Variants in CRTAC1 observed in about 807,000 individuals in gnomAD.
CRTAC1 encodes cartilage acidic protein 1.
A neutral mutation model predicts 67.8 loss-of-function variants in CRTAC1; 37 were observed. The ratio of observed to expected loss-of-function variants is 0.55; its 90% CI spans 0.42 to 0.72. The LOEUF (loss-of-function observed/expected upper bound fraction) is 0.72. Ranked by LOEUF, CRTAC1 falls within the 30% of genes least tolerant of loss-of-function variation. The probability of loss-of-function intolerance (pLI) is 0.00; values close to 1 mark genes in which losing one functional copy is unlikely to be tolerated. For synonymous variants in CRTAC1, 348 were observed against 371.0 expected, an observed-to-expected ratio of 0.94 and a Z score of 0.71; for missense variants, 780 against 931.6, an observed-to-expected ratio of 0.84 and a Z score of 2.12.
rs778654577 is a variant in CRTAC1, at chr10:97,880,194, C to T, written c.1819+55G>A. On this transcript the variant is annotated intron_variant, in intron 14 of 14. Coordinates refer to ENST00000370597, the MANE Select transcript of CRTAC1 (RefSeq NM_018058.7). ...TTGATCTGGGGCCTACCCAGAGCTC[C>T]CCAGTGGAAAGCAACATCCTTTTGC... The T allele has an allele frequency of 6.7e-4, 1,075 of 1,595,674 alleles. 3 individuals carry two copies. Among genetic ancestry groups the T allele is most frequent in the Middle Eastern group, 8.6e-4 (5 of 5,788 alleles).
chr10:97,917,918 C>T (rs1189597317), intron 4 of CRTAC1, among the ~76,000 whole-genome samples: 1 of 152,124 alleles, frequency 6.6e-6, no homozygotes, highest in Non-Finnish European at 1.5e-5. Context: ...AAGAACACAC[C>T]CCTCCCTCTC....
chr10:97,954,507 G>T (rs2051409059), intron 2 of CRTAC1, among the ~76,000 whole-genome samples: 1 of 152,200 alleles, frequency 6.6e-6, no homozygotes, highest in African/African-American at 2.4e-5. Flanking sequence ...AAATAGCAGA[G>T]AGGACTCCTG....
intron 12 of CRTAC1, 102 bp downstream of exon 12, chr10:97,884,104 C>T: frequency 2.9e-6 from 4 of 1,385,418 alleles, no homozygotes; most frequent in Non-Finnish European, 2.9e-6. Flanking sequence ...TTCCATCACT[C>T]TAGAGGCTGA....
At chr10:97,931,357 C>A (rs1170187721) in intron 3 of CRTAC1, among the ~76,000 whole-genome samples, 1 of 152,134 alleles carries the variant, frequency 6.6e-6, no homozygotes, top group Non-Finnish European at 1.5e-5. Flanking sequence ...AATATGCCTG[C>A]AATTGTGGGA....
At chr10:98,005,678 C>A (rs965549240) in intron 2 of CRTAC1, among the ~76,000 whole-genome samples, 3 of 150,844 alleles carry the variant, frequency 2.0e-5, no homozygotes, top group African/African-American at 7.3e-5. Context: ...ATATATATAT[C>A]TATATACTAC....
chr10:97,937,071 A>G (rs999960304), intron 2 of CRTAC1, among the ~76,000 whole-genome samples: 4 of 152,238 alleles, frequency 2.6e-5, no homozygotes, highest in African/African-American at 7.2e-5. Context: ...GAACACGTCT[A>G]AAGTTATTAG....
intron 1 of CRTAC1, among the ~76,000 whole-genome samples, chr10:98,023,160 C>A: frequency 6.6e-6 from 1 of 152,210 alleles, no homozygotes; most frequent in African/African-American, 2.4e-5. Flanking sequence ...GGGAAAACAG[C>A]AAAGGGAGGT....
chr10:98,005,098 A>ATTTTTTTTTTTTTTTTTTTTTTTT (rs1347220699), intron 2 of CRTAC1, among the ~76,000 whole-genome samples: 2 of 38,212 alleles, frequency 5.2e-5, no homozygotes, highest in Non-Finnish European at 9.5e-5. Flanking sequence ...ATATATATAT[A>ATTTTTTTTTTTTTTTTTTTTTTTT]TATTTTTTTT....
intron 2 of CRTAC1, among the ~76,000 whole-genome samples, chr10:97,993,165 T>C (rs965422793): frequency 2.0e-5 from 3 of 152,136 alleles, no homozygotes; most frequent in African/African-American, 7.2e-5. Flanking sequence ...GAACCAGGAC[T>C]GGAGGCTCAA....
intron 8 of CRTAC1, 129 bp downstream of exon 8, chr10:97,901,374 C>T (rs1304359215): frequency 1.1e-5 from 11 of 1,044,632 alleles, no homozygotes; most frequent in East Asian, 2.6e-5. Flanking sequence ...ATCAGGGGAC[C>T]TGTGTTGACC....
intron 2 of CRTAC1, among the ~76,000 whole-genome samples, chr10:97,952,629 C>T (rs1180057793): frequency 6.6e-6 from 1 of 150,866 alleles, no homozygotes; most frequent in Non-Finnish European, 1.5e-5. Flanking sequence ...GTCCAGGAAT[C>T]AGCATTCCAA....
intron 2 of CRTAC1, among the ~76,000 whole-genome samples, chr10:97,991,265 T>C (rs1842450041): frequency 1.3e-5 from 2 of 151,300 alleles, no homozygotes; most frequent in Admixed American, 6.6e-5. Context: ...AAACAAAAAT[T>C]AGCCAGGTGT....
At chr10:97,891,060 G>T (rs933044501) in intron 11 of CRTAC1, among the ~76,000 whole-genome samples, 1 of 152,100 alleles carries the variant, frequency 6.6e-6, no homozygotes, top group South Asian at 2.1e-4. Flanking sequence ...CCTTCTACTG[G>T]AACGTAGATG....
chr10:98,003,773 G>C (rs1378492508), intron 2 of CRTAC1, among the ~76,000 whole-genome samples: 1 of 152,188 alleles, frequency 6.6e-6, no homozygotes, highest in African/African-American at 2.4e-5. Flanking sequence ...CACTTGTTCT[G>C]TGTGTATGTG....
chr10:97,927,673 G>A (rs2136602737), intron 3 of CRTAC1, among the ~76,000 whole-genome samples: 1 of 152,356 alleles, frequency 6.6e-6, no homozygotes, highest in African/African-American at 2.4e-5. Flanking sequence ...GCCATGCAGA[G>A]CCTTGTAGAT....
rs1300904911 is a variant in CRTAC1, at chr10:97,884,475, G to A, written c.1487-124C>T. On this transcript the variant is annotated intron_variant, in intron 11 of 14. Transcript: ENST00000370597. ...GAATTGAGCACTGTTCTAAGTGCTA[G>A]GGAAATGGTGAACAAGACAGATTTG... The A allele has an allele frequency of 7.7e-6, 7 of 903,566 alleles. No homozygotes were observed. The Admixed American group carries it at 9.9e-5, about 13-fold the overall frequency. The allele number at this position is 903,566 out of a possible 1,614,324, so 56.0% of individuals were successfully genotyped here.
At chr10:97,921,544 G>A (rs1268257133) in intron 4 of CRTAC1, among the ~76,000 whole-genome samples, 9 of 152,204 alleles carry the variant, frequency 5.9e-5, no homozygotes, top group Non-Finnish European at 7.3e-5. Flanking sequence ...TGTCTTATGA[G>A]GATTCAGTAG....
At chr10:98,010,577 T>A (rs1358052928) in intron 2 of CRTAC1, among the ~76,000 whole-genome samples, 1 of 152,124 alleles carries the variant, frequency 6.6e-6, no homozygotes, top group Non-Finnish European at 1.5e-5. Flanking sequence ...TGCAACCCAA[T>A]GTTGGTTTTC....
At chr10:97,949,543 A>G (rs758455232) in intron 2 of CRTAC1, among the ~76,000 whole-genome samples, 42 of 152,188 alleles carry the variant, frequency 2.8e-4, no homozygotes, top group Admixed American at 9.2e-4. Context: ...AACCCTACGG[A>G]GTGTCTTGGT....
Sources: gnomAD v4.1 joint callset for allele counts (sites outside exome capture counted in the v4.1 genomes callset) on GRCh38, gnomAD v4.1.1 for gene constraint, MANE v1.5 for transcripts, NCBI Gene and HGNC (gene_info 2026-07-23, HGNC 2026-07-21) for gene names.